Variants in OPCML observed in about 807,000 individuals in gnomAD.
OPCML encodes opioid binding protein/cell adhesion molecule like.
Under a neutral mutation model 37.8 loss-of-function variants are expected in OPCML, and 13 were observed. The observed-to-expected ratio is 0.34, with a 90% CI of 0.22 to 0.55. The LOEUF (loss-of-function observed/expected upper bound fraction) is 0.55. Ranked by LOEUF, OPCML falls within the 20% of genes least tolerant of loss-of-function variation. The pLI is 0.91. For synonymous variants in OPCML, 176 were observed against 168.8 expected (o/e 1.04, Z -0.33); for missense variants, 341 against 435.6 (o/e 0.78, Z 1.93).
chr11:133,401,804 C>A (rs1331420282), intron 1 of OPCML, among the ~76,000 whole-genome samples: 1 of 152,168 alleles, frequency 6.6e-6, no homozygotes, highest in Non-Finnish European at 1.5e-5. Context: ...TAGACTTGTT[C>A]TCTTTTAAGC....
intron 3 of OPCML, among the ~76,000 whole-genome samples, chr11:132,554,095 G>A (rs958419471): frequency 1.3e-5 from 2 of 152,170 alleles, no homozygotes; most frequent in Non-Finnish European, 2.9e-5. Flanking sequence ...TTAGAGCAAA[G>A]GAGAACACGC....
intron 2 of OPCML, among the ~76,000 whole-genome samples, chr11:132,837,311 C>T (rs1431908171): frequency 1.3e-5 from 2 of 151,678 alleles, no homozygotes; most frequent in African/African-American, 4.9e-5. Flanking sequence ...AAAATTCCAT[C>T]TCAAAAACAA....
intron 1 of OPCML, among the ~76,000 whole-genome samples, chr11:133,045,421 T>C (rs564335462): frequency 6.6e-6 from 1 of 152,224 alleles, no homozygotes; most frequent in Admixed American, 6.5e-5. Flanking sequence ...CACAGATGAT[T>C]TCCTCTCATT....
At chr11:133,224,759 C>T (rs548534084) in intron 1 of OPCML, among the ~76,000 whole-genome samples, 1 of 152,336 alleles carries the variant, frequency 6.6e-6, no homozygotes, top group African/African-American at 2.4e-5. Context: ...AAAATGTAAA[C>T]AGAGCAATGA....
chr11:132,519,144 A>C (rs2096286643), intron 4 of OPCML, among the ~76,000 whole-genome samples: 1 of 152,208 alleles, frequency 6.6e-6, no homozygotes, highest in Admixed American at 6.5e-5. Flanking sequence ...CAAGAACCAC[A>C]GCTTAAAGAC....
intron 4 of OPCML, among the ~76,000 whole-genome samples, chr11:132,518,979 A>G (rs1272955343): frequency 6.6e-6 from 1 of 152,158 alleles, no homozygotes; most frequent in East Asian, 1.9e-4. Context: ...ATATGATACA[A>G]GTGATATCCA....
chr11:133,320,900 C>G (rs1214585420), intron 1 of OPCML, among the ~76,000 whole-genome samples: 1 of 152,120 alleles, frequency 6.6e-6, no homozygotes, highest in Non-Finnish European at 1.5e-5. Flanking sequence ...ACGGCAGCAC[C>G]CAGCTGGCTG....
chr11:133,395,151 T>G (rs1317159445), intron 1 of OPCML, among the ~76,000 whole-genome samples: 1 of 152,240 alleles, frequency 6.6e-6, no homozygotes, highest in Non-Finnish European at 1.5e-5. Flanking sequence ...TTCATATGCC[T>G]GTTTGCCATT....
At chr11:132,733,302 C>T (rs1945145041) in intron 2 of OPCML, among the ~76,000 whole-genome samples, 1 of 151,814 alleles carries the variant, frequency 6.6e-6, no homozygotes, top group African/African-American at 2.4e-5. Context: ...AGATACAAGA[C>T]AAAGGAGATA....
chr11:133,348,242 T>C (rs1374628123), intron 1 of OPCML, among the ~76,000 whole-genome samples: 2 of 152,170 alleles, frequency 1.3e-5, no homozygotes, highest in African/African-American at 4.8e-5. Context: ...ACGAGAGCCA[T>C]TGATTCACCA....
chr11:132,913,854 C>T (rs1453339486), intron 2 of OPCML, among the ~76,000 whole-genome samples: 1 of 152,198 alleles, frequency 6.6e-6, no homozygotes, highest in Non-Finnish European at 1.5e-5. Flanking sequence ...CTCTCAGCTC[C>T]ACAAGAGAAG....
At chr11:132,456,260 A>G (rs1337735774) in intron 4 of OPCML, among the ~76,000 whole-genome samples, 1 of 152,254 alleles carries the variant, frequency 6.6e-6, no homozygotes, top group East Asian at 1.9e-4. Context: ...TAAACATATG[A>G]AACTTTACAT....
chr11:133,093,998 T>C (rs1948957656), intron 1 of OPCML, among the ~76,000 whole-genome samples: 1 of 152,194 alleles, frequency 6.6e-6, no homozygotes, highest in Non-Finnish European at 1.5e-5. Flanking sequence ...TGGTTTATTT[T>C]TTCTGCTGTC....
chr11:133,420,393 T>C (rs1592281767), intron 1 of OPCML: 1 of 985,474 alleles, frequency 1.0e-6, no homozygotes, highest in East Asian at 1.1e-4. Context: ...TGGTTCTTTT[T>C]AATTAACTCT....
intron 3 of OPCML, among the ~76,000 whole-genome samples, chr11:132,595,154 G>A (rs1355018579): frequency 6.6e-6 from 1 of 152,042 alleles, no homozygotes; most frequent in Non-Finnish European, 1.5e-5. Flanking sequence ...CTGTGCTGCG[G>A]TTTGTGAGAG....
rs114446465 is a variant in OPCML, at chr11:132,844,438, G to T, written c.146+98488C>A. Among the ~76,000 whole-genome samples, 1,036 of 152,272 alleles carry T rather than the reference G, an allele frequency of 6.8e-3. 8 individuals are homozygous for T. Among genetic ancestry groups the T allele is most frequent in the African/African-American group, 0.024 (992 of 41,532 alleles). On this transcript the variant is annotated intron_variant, in intron 2 of 7. Coordinates refer to ENST00000524381, the MANE Select transcript of OPCML (RefSeq NM_001012393.5). ...GGCCTTGCTGGCTTGGGTGCATGGT[G>T]GGGGGAGGTATATTTGTATTATGTA...
At chr11:133,147,956 C>T (rs1373599391) in intron 1 of OPCML, among the ~76,000 whole-genome samples, 1 of 152,192 alleles carries the variant, frequency 6.6e-6, no homozygotes, top group Non-Finnish European at 1.5e-5. Context: ...CTTCCTCCTG[C>T]CCATCTCTCA....
chr11:132,474,203 T>C (rs1048319130), intron 4 of OPCML, among the ~76,000 whole-genome samples: 40 of 152,208 alleles, frequency 2.6e-4, no homozygotes, highest in African/African-American at 8.9e-4. Flanking sequence ...TAGAGAGAGA[T>C]GGATTGGGTC....
intron 1 of OPCML, among the ~76,000 whole-genome samples, chr11:132,956,012 A>T (rs1013973429): frequency 3.3e-5 from 5 of 152,248 alleles, no homozygotes; most frequent in Non-Finnish European, 5.9e-5. Context: ...TTAATAATAA[A>T]AATAATTATG....
Sources: gnomAD v4.1 joint callset for allele counts (sites outside exome capture counted in the v4.1 genomes callset) on GRCh38, gnomAD v4.1.1 for gene constraint, MANE v1.5 for transcripts, NCBI Gene and HGNC (gene_info 2026-07-23, HGNC 2026-07-21) for gene names.